FOXO1: variants seen among roughly 807,000 people sequenced by gnomAD.
FOXO1 encodes the protein forkhead box protein O1.
A neutral mutation model predicts 44.1 loss-of-function variants in FOXO1; 6 were observed. The ratio of observed to expected loss-of-function variants is 0.14; its 90% CI spans 0.07 to 0.27. The LOEUF is 0.27. FOXO1 is among the 10% of genes least tolerant of loss of function. The pLI is 1.00. For missense variants in FOXO1, 737 were observed against 888.8 expected, an observed-to-expected ratio of 0.83 and a Z score of 2.17; for synonymous variants, 380 against 362.7, an observed-to-expected ratio of 1.05 and a Z score of -0.54.
chr13:40,630,436 C>T (rs371027810), intron 1 of FOXO1, among the ~76,000 whole-genome samples: 17 of 152,214 alleles, frequency 1.1e-4, no homozygotes, highest in East Asian at 9.7e-4. Flanking sequence ...GGCAGATTAC[C>T]TGAGGTCAGG....
chr13:40,607,617 C>T (rs1479568147), intron 1 of FOXO1, among the ~76,000 whole-genome samples: 1 of 152,200 alleles, frequency 6.6e-6, no homozygotes, highest in Non-Finnish European at 1.5e-5. Flanking sequence ...ACAGTCATTA[C>T]TCCACACTAT....
At chr13:40,629,440 C>T (rs1398024599) in intron 1 of FOXO1, among the ~76,000 whole-genome samples, 2 of 152,240 alleles carry the variant, frequency 1.3e-5, no homozygotes, top group Non-Finnish European at 1.5e-5. Context: ...CTGCACCCAG[C>T]CAAACAACAT....
At chr13:40,645,994 G>A (rs897642107) in intron 1 of FOXO1, among the ~76,000 whole-genome samples, 7 of 151,148 alleles carry the variant, frequency 4.6e-5, no homozygotes, top group African/African-American at 1.7e-4. Flanking sequence ...TTGAACCCAA[G>A]AGGCAGAGGT....
chr13:40,651,085 TTTTTTG>T (rs1225005530), intron 1 of FOXO1, among the ~76,000 whole-genome samples: 5 of 103,290 alleles, frequency 4.8e-5, no homozygotes, highest in East Asian at 1.0e-3. Context: ...GTTTTTTTGG[TTTTTTG>T]TTTTTTGTTT....
chr13:40,654,059 C>G (rs1877771653), intron 1 of FOXO1, among the ~76,000 whole-genome samples: 2 of 152,042 alleles, frequency 1.3e-5, no homozygotes, highest in African/African-American at 4.8e-5. Flanking sequence ...TCTTTCTCAT[C>G]ACAGTTTTGC....
intron 1 of FOXO1, among the ~76,000 whole-genome samples, chr13:40,592,076 A>T (rs1875395736): frequency 6.6e-6 from 1 of 152,222 alleles, no homozygotes; most frequent in South Asian, 2.1e-4. Context: ...TAAATGAAAT[A>T]AATCACTACA....
chr13:40,594,463 G>A (rs953917378), intron 1 of FOXO1, among the ~76,000 whole-genome samples: 2 of 152,114 alleles, frequency 1.3e-5, no homozygotes, highest in African/African-American at 4.8e-5. Flanking sequence ...GGAAGTGATG[G>A]GAAACAGGCC....
intron 1 of FOXO1, among the ~76,000 whole-genome samples, chr13:40,626,118 T>C (rs1161795647): frequency 1.3e-5 from 2 of 152,154 alleles, no homozygotes; most frequent in East Asian, 3.8e-4. Flanking sequence ...TGCCCAGCCT[T>C]ACTTTTTATT....
intron 1 of FOXO1, among the ~76,000 whole-genome samples, chr13:40,653,200 C>T (rs1039256839): frequency 2.0e-5 from 3 of 152,116 alleles, no homozygotes; most frequent in South Asian, 2.1e-4. Flanking sequence ...AACTCCTAAC[C>T]TCATGATCCA....
rs569402893 is a variant in FOXO1, at chr13:40,600,812, T to C, written c.631-39952A>G. Among the ~76,000 whole-genome samples the C allele has an allele frequency of 7.2e-5, 11 of 152,294 alleles. No individual in the cohort carries two copies. The East Asian group carries it at 1.9e-3, about 27-fold the overall frequency. The stretch of plus-strand genomic sequence containing the variant: ...CAATTAGAATTTCAAGGCAATCCAA[T>C]AAACTGGGCATTCAAAATTTATGTC... On this transcript the variant is annotated intron_variant, in intron 1 of 2. Coordinates refer to ENST00000379561, the MANE Select transcript of FOXO1 (RefSeq NM_002015.4).
chr13:40,620,648 G>A (rs867475876), intron 1 of FOXO1: 49 of 418,838 alleles, frequency 1.2e-4, no homozygotes, highest in Admixed American at 6.5e-5. Context: ...CACAGGGAAC[G>A]GGACAGGCAG....
chr13:40,659,314 CAAAAAAA>C (rs1210028542), intron 1 of FOXO1, among the ~76,000 whole-genome samples: 1 of 87,636 alleles, frequency 1.1e-5, no homozygotes, highest in East Asian at 2.8e-4. Flanking sequence ...GACTCCGTCT[CAAAAAAA>C]AAAAAAAAAA....
chr13:40,641,010 T>C (rs1877332668), intron 1 of FOXO1, among the ~76,000 whole-genome samples: 1 of 152,114 alleles, frequency 6.6e-6, no homozygotes, highest in Non-Finnish European at 1.5e-5. Context: ...TCTCAAACTC[T>C]TGACCTCAAG....
At chr13:40,624,887 T>C (rs1193121438) in intron 1 of FOXO1, among the ~76,000 whole-genome samples, 2 of 152,224 alleles carry the variant, frequency 1.3e-5, no homozygotes, top group Non-Finnish European at 2.9e-5. Flanking sequence ...ATCCATCAGA[T>C]AGAAAATTTA....
chr13:40,640,152 C>A (rs1259900196), intron 1 of FOXO1, among the ~76,000 whole-genome samples: 1 of 152,196 alleles, frequency 6.6e-6, no homozygotes, highest in Admixed American at 6.5e-5. Flanking sequence ...AGCACAAATC[C>A]TGTCCATCTA....
At chr13:40,656,825 T>G (rs933697325) in intron 1 of FOXO1, among the ~76,000 whole-genome samples, 10 of 152,050 alleles carry the variant, frequency 6.6e-5, no homozygotes, top group Non-Finnish European at 1.3e-4. Flanking sequence ...TGCCTATCAC[T>G]CTGAGAAATT....
chr13:40,606,558 C>T (rs1429050462), intron 1 of FOXO1, among the ~76,000 whole-genome samples: 1 of 152,174 alleles, frequency 6.6e-6, no homozygotes, highest in Non-Finnish European at 1.5e-5. Context: ...AGTGATCCGC[C>T]CGCCTCGGCC....
chr13:40,663,759 C>T (rs1274507882), intron 1 of FOXO1, among the ~76,000 whole-genome samples: 1 of 152,168 alleles, frequency 6.6e-6, no homozygotes, highest in African/African-American at 2.4e-5. Flanking sequence ...TAAGTGATAC[C>T]TTTACTCTAA....
At chr13:40,630,612 G>A (rs1014043624) in intron 1 of FOXO1, among the ~76,000 whole-genome samples, 9 of 151,320 alleles carry the variant, frequency 5.9e-5, no homozygotes, top group Admixed American at 4.0e-4. Flanking sequence ...CCGAGATCGC[G>A]CCACTGCACT....
Sources: gnomAD v4.1 joint callset for allele counts (sites outside exome capture counted in the v4.1 genomes callset) on GRCh38, gnomAD v4.1.1 for gene constraint, MANE v1.5 for transcripts, NCBI Gene and HGNC (gene_info 2026-07-23, HGNC 2026-07-21) for gene names.